The following EHMT1 variants were observed in gnomAD, a reference collection of about 807,000 sequenced individuals.
The protein encoded by EHMT1 is euchromatic histone lysine methyltransferase 1.
In EHMT1, 15 loss-of-function variants were observed where a neutral mutation model predicts 147.2. The observed-to-expected ratio is 0.10, with a 90% CI of 0.07 to 0.16. EHMT1 has a LOEUF of 0.16. EHMT1 is among the 10% of genes least tolerant of loss of function. The pLI is 1.00. For synonymous variants in EHMT1, 795 were observed against 709.6 expected (o/e 1.12, Z -1.91); for missense variants, 1,587 against 1,772.4 (o/e 0.90, Z 1.88).
At chr9:137,692,267 C>A (rs369288952) in intron 1 of EHMT1, among the ~76,000 whole-genome samples, 1 of 118,390 alleles carries the variant, frequency 8.4e-6, no homozygotes, top group Non-Finnish European at 1.8e-5. Context: ...TTCTTTCTTT[C>A]TTTTTTTTTT....
chr9:137,702,565 C>T (rs1943927012), intron 1 of EHMT1, among the ~76,000 whole-genome samples: 2 of 152,200 alleles, frequency 1.3e-5, no homozygotes, highest in African/African-American at 4.8e-5. Context: ...CTCTGTGGCT[C>T]TTCAGGGTAC....
chr9:137,671,765 C>G (rs1184484803), intron 1 of EHMT1, among the ~76,000 whole-genome samples: 2 of 152,128 alleles, frequency 1.3e-5, no homozygotes, highest in African/African-American at 4.8e-5. Context: ...TGAGCTCAAG[C>G]TTTCCACCAG....
chr9:137,755,751 C>T (rs1158179446), intron 8 of EHMT1, among the ~76,000 whole-genome samples: 2 of 152,184 alleles, frequency 1.3e-5, no homozygotes, highest in Non-Finnish European at 2.9e-5. Flanking sequence ...CTTTTTAATT[C>T]CAGTGGATCT....
intron 1 of EHMT1, among the ~76,000 whole-genome samples, chr9:137,685,966 C>T (rs546852107): frequency 5.1e-5 from 7 of 138,416 alleles, no homozygotes; most frequent in South Asian, 2.3e-4. Flanking sequence ...CAGTCAGTCA[C>T]GGGATCTCAC....
intron 15 of EHMT1, 87 bp from the exon 16 acceptor site, chr9:137,790,761 T>TG (rs1952463896): frequency 1.9e-6 from 3 of 1,598,500 alleles, no homozygotes; most frequent in Non-Finnish European, 2.6e-6. Context: ...CTCTCTTTTT[T>TG]TGAGTGTGGA....
At chr9:137,727,125 T>C (rs571079922) in intron 3 of EHMT1, among the ~76,000 whole-genome samples, 2 of 152,310 alleles carry the variant, frequency 1.3e-5, no homozygotes, top group South Asian at 4.1e-4. Flanking sequence ...CTATGTCCTT[T>C]GATGCACATA....
chr9:137,823,732 A>G (rs1955620741), intron 25 of EHMT1, among the ~76,000 whole-genome samples: 1 of 151,394 alleles, frequency 6.6e-6, no homozygotes, highest in Non-Finnish European at 1.5e-5. Context: ...TAATTTTTAT[A>G]TTTTTAGTAG....
chr9:137,803,378 GC>G, intron 18 of EHMT1: 1 of 878,192 alleles, frequency 1.1e-6, no homozygotes, highest in Non-Finnish European at 1.4e-6. Flanking sequence ...TCACAGCCAT[GC>G]CCAGCCCACC....
At chr9:137,804,934 G>T (rs1370449086) in intron 18 of EHMT1, among the ~76,000 whole-genome samples, 1 of 152,184 alleles carries the variant, frequency 6.6e-6, no homozygotes, top group Admixed American at 6.5e-5. Context: ...TCATTTGCAT[G>T]TCTGTCAGTC....
chr9:137,834,282 G>A (rs1413831968), intron 25 of EHMT1, 67 bp from the exon 26 acceptor site: 22 of 1,595,584 alleles, frequency 1.4e-5, no homozygotes, highest in Non-Finnish European at 1.9e-5. Context: ...ATGCATGGCC[G>A]TACCCGGCGA....
intron 1 of EHMT1, among the ~76,000 whole-genome samples, chr9:137,622,620 A>G (rs1166686113): frequency 2.0e-5 from 3 of 152,150 alleles, no homozygotes; most frequent in Non-Finnish European, 2.9e-5. Context: ...TCCTGCCCCA[A>G]TCAGAATGTA....
At chr9:137,800,628 A>G (rs1953395860) in intron 17 of EHMT1, 1 of 553,614 alleles carries the variant, frequency 1.8e-6, no homozygotes, top group Non-Finnish European at 3.3e-6. Flanking sequence ...CCGACAGCAC[A>G]GGGCATGTCG....
rs1371650577 is a variant in EHMT1 at position 137,787,583 on chromosome 9, C to T, written c.2383-3265C>T. 1.7e-5 allele frequency: 8 copies of T among 477,828 alleles called. No individual in the cohort carries two copies. Among genetic ancestry groups the T allele is most frequent in the African/African-American group, 9.8e-5 (5 of 50,932 alleles). 29.6% of individuals were successfully genotyped at this position (477,828 alleles called of 1,614,324 possible). Reference sequence around the variant, plus strand: ...CCTGGTGTTTCGAGGCTGCTGTGGTCGCAGACAACCGCCTCGCCTTGGCTC... The same window carrying T: ...CCTGGTGTTTCGAGGCTGCTGTGGTTGCAGACAACCGCCTCGCCTTGGCTC... On this transcript the variant is annotated intron_variant, in intron 15 of 26. Transcript: ENST00000460843. The surrounding 1 kb of genome is among the most constrained non-coding windows in gnomAD (Gnocchi z 4.2).
At position 137,776,057 on chromosome 9, in the gene EHMT1, C is replaced by G. The variant is rs1439583403; in HGVS notation, c.1792-561C>G. Among the ~76,000 whole-genome samples the G allele has an allele frequency of 6.6e-6, 1 of 152,198 alleles. No individual in the cohort carries two copies. Among genetic ancestry groups the G allele is most frequent in the Non-Finnish European group, 1.5e-5 (1 of 68,030 alleles). On this transcript the variant is annotated intron_variant, in intron 11 of 26. Coordinates refer to ENST00000460843, the MANE Select transcript of EHMT1 (RefSeq NM_024757.5). This position sits in a 1 kb window ranked among gnomAD's most constrained non-coding sequence, Gnocchi z 4.4. The stretch of plus-strand genomic sequence containing the variant: ...AGAGCTTCCACTTTTGGGAGACTTT[C>G]TTTGGACTTCACACCTTGCATGTCC...
At position 137,744,036 on chromosome 9, in the gene EHMT1, A is replaced by C; in HGVS notation, c.1116A>C (p.Thr372=). 1 of 1,614,148 alleles carries C rather than the reference A, an allele frequency of 6.2e-7. No individual in the cohort carries two copies. The change falls in exon 6 of 27, where the codon ACA becomes ACC. Residue 372 remains threonine (T), a synonymous_variant. Coordinates refer to ENST00000460843, the MANE Select transcript of EHMT1 (RefSeq NM_024757.5). The part of the protein sequence containing the change: ...HGAEQAAAFP[T]EDSRTSKESM... ...CAGAGCAGGCGGCCGCGTTCCCCAC[A>C]GAGGACAGCAGGACTTCCAAGGAGA...
chr9:137,629,789 C>T (rs1460487178), intron 1 of EHMT1, among the ~76,000 whole-genome samples: 1 of 152,180 alleles, frequency 6.6e-6, no homozygotes, highest in Non-Finnish European at 1.5e-5. Flanking sequence ...CTCGGCCTCC[C>T]AAAGTGCTGG....
At chr9:137,806,181 A>C (rs1331367446) in intron 18 of EHMT1, among the ~76,000 whole-genome samples, 35 of 151,208 alleles carry the variant, frequency 2.3e-4, no homozygotes, top group Non-Finnish European at 3.4e-4. Context: ...GGCTGGTTTC[A>C]AACTCCCAAC....
rs1479963380 is a variant in EHMT1 at position 137,775,014 on chromosome 9, C to T, written c.1648-95C>T. ...GCTCAGTCAGCCCACACCTGCTGAG[C>T]AGCTCTTGTGTGCCTGCACTGCCCA... is the stretch of plus-strand genomic sequence containing the variant. On this transcript the variant is annotated intron_variant, in intron 10 of 26. Transcript: ENST00000460843. The surrounding 1 kb of genome is among the most constrained non-coding windows in gnomAD (Gnocchi z 6.1). The T allele has an allele frequency of 1.3e-6, 2 of 1,574,168 alleles. No homozygotes were observed. Among genetic ancestry groups the T allele is most frequent in the Non-Finnish European group, 1.7e-6 (2 of 1,147,288 alleles).
chr9:137,623,118 C>T (rs1203903695), intron 1 of EHMT1, among the ~76,000 whole-genome samples: 1 of 149,724 alleles, frequency 6.7e-6, no homozygotes, highest in East Asian at 2.0e-4. Context: ...GAGGCTGAGG[C>T]AGGAGAAGGG....
Sources: gnomAD v4.1 joint callset for allele counts (sites outside exome capture counted in the v4.1 genomes callset) on GRCh38, gnomAD v4.1.1 for gene constraint, Gnocchi (gnomAD v3.1) non-coding constraint, MANE v1.5 for transcripts, NCBI Gene and HGNC (gene_info 2026-07-23, HGNC 2026-07-21) for gene names.